IL21R: variants seen among roughly 807,000 people sequenced by gnomAD.
IL21R encodes interleukin-21 receptor.
Under a neutral mutation model 41.3 loss-of-function variants are expected in IL21R, and 14 were observed. The ratio of observed to expected loss-of-function variants is 0.34; its 90% confidence interval spans 0.22 to 0.53. The LOEUF (loss-of-function observed/expected upper bound fraction) is 0.53, where lower values mean the gene tolerates loss of function less well. Ranked by LOEUF, IL21R falls within the 20% of genes least tolerant of loss-of-function variation. The probability of loss-of-function intolerance (pLI) is 0.94; values close to 1 mark genes in which losing one functional copy is unlikely to be tolerated. For synonymous variants in IL21R, 286 were observed against 287.6 expected (o/e 0.99, Z 0.05); for missense variants, 588 against 681.6 (o/e 0.86, Z 1.53).
intron 1 of IL21R, among the ~76,000 whole-genome samples, chr16:27,419,791 G>C (rs940001625): frequency 5.3e-5 from 8 of 150,324 alleles, no homozygotes; most frequent in Non-Finnish European, 1.2e-4. Context: ...ATATAGTATA[G>C]TAAATACATA....
chr16:27,444,640 A>G lies in IL21R; in HGVS notation c.606A>G (p.Ala202=). ...CGAGCTATGAGCTGCAGGTGCGGGCAGGGCCCATGCCTGGCTCCTCCTACC... is the reference window on the plus strand; with the variant it reads ...CGAGCTATGAGCTGCAGGTGCGGGCGGGGCCCATGCCTGGCTCCTCCTACC... ...KDSSYELQVR[A]GPMPGSSYQG... Residue 202 remains alanine, a synonymous_variant, in exon 6 of 9, where the codon GCA becomes GCG. Coordinates refer to ENST00000337929, the MANE Select transcript of IL21R (RefSeq NM_181078.3). 6.3e-7 allele frequency: 1 copy of G among 1,589,302 alleles called. No individual in the cohort carries two copies. The highest frequency in any genetic ancestry group is 8.6e-7 in the Non-Finnish European group (1 of 1,167,866).
At chr16:27,408,648 C>G (rs1327687230) in intron 1 of IL21R, among the ~76,000 whole-genome samples, 1 of 152,192 alleles carries the variant, frequency 6.6e-6, no homozygotes, top group Non-Finnish European at 1.5e-5. Flanking sequence ...GGAAGTCCCT[C>G]CGCCTTAACA....
intron 1 of IL21R, among the ~76,000 whole-genome samples, chr16:27,427,019 G>A (rs934408700): frequency 3.9e-5 from 6 of 152,100 alleles, no homozygotes; most frequent in African/African-American, 9.7e-5. Context: ...TTTTCAAGGA[G>A]GCTGTCTCTA....
intron 2 of IL21R, among the ~76,000 whole-genome samples, chr16:27,431,024 G>T (rs2087162162): frequency 6.6e-6 from 1 of 152,140 alleles, no homozygotes; most frequent in Non-Finnish European, 1.5e-5. Context: ...AAAGGGCACT[G>T]CCTAGGACTA....
chr16:27,442,441 C>G (rs1228998066), intron 4 of IL21R, among the ~76,000 whole-genome samples: 4 of 152,076 alleles, frequency 2.6e-5, no homozygotes, highest in Non-Finnish European at 4.4e-5. Flanking sequence ...TTGGCTCACT[C>G]CAAGCTCTGC....
rs796105799 is a variant in IL21R at position 27,405,025 on chromosome 16, C to CT, written c.-17+2421dup. Among the ~76,000 whole-genome samples, 586 of 145,816 alleles carry CT rather than the reference C, an allele frequency of 4.0e-3. 3 individuals carry two copies. Among genetic ancestry groups the CT allele is most frequent in the African/African-American group, 0.013 (507 of 39,820 alleles). On this transcript the variant is annotated intron_variant, in intron 1 of 8. Transcript: ENST00000337929. ...GAGAAGTGCCCGCTATCATGTTTTA[C>CT]TTTTTTTTTTTTTTAATTTTTTTTT... is the stretch of plus-strand genomic sequence containing the variant.
intron 2 of IL21R, among the ~76,000 whole-genome samples, chr16:27,431,891 G>A (rs534021198): frequency 3.6e-4 from 55 of 152,196 alleles, no homozygotes; most frequent in African/African-American, 1.1e-3. Flanking sequence ...TGATCCACCC[G>A]CCTCGGCCTC....
Position 27,434,423 on chromosome 16 carries a change from C to T in IL21R, c.126C>T (p.Leu42=), listed in dbSNP as rs777897180. 2 of 1,613,590 alleles carry T rather than the reference C, an allele frequency of 1.2e-6. No homozygotes were observed. Among genetic ancestry groups the T allele is most frequent in the Non-Finnish European group, 1.7e-6 (2 of 1,179,556 alleles). Residue 42 remains leucine, a synonymous_variant, in exon 3 of 9, where the codon CTC becomes CTT. Transcript: ENST00000337929. ...TCTGCATCCTGGAAATGTGGAACCT[C>T]CACCCCAGCACGCTCACCCTTACCT... ...TVICILEMWN[L]HPSTLTLTWQ...
chr16:27,424,826 A>G (rs779610952), intron 1 of IL21R, among the ~76,000 whole-genome samples: 3 of 152,274 alleles, frequency 2.0e-5, no homozygotes, highest in Non-Finnish European at 4.4e-5. Flanking sequence ...TAATTGGCTC[A>G]TGGTTCTGCA....
chr16:27,409,043 CAGA>C lies in IL21R; in HGVS notation c.-17+6428_-17+6430del, dbSNP rs1201593403. Among the ~76,000 whole-genome samples the C allele has an allele frequency of 3.3e-5, 5 of 152,042 alleles. No individual in the cohort carries two copies. In the East Asian group the frequency reaches 7.8e-4, roughly 24 times the overall value. ...GTGGAAATGTTGAGTCTCTGCTCAGCAGAAGTTTTCCAAAGTGGTTGTGTCGAT... is the reference window on the plus strand; with the variant it reads ...GTGGAAATGTTGAGTCTCTGCTCAGCAGTTTTCCAAAGTGGTTGTGTCGAT... On this transcript the variant is annotated intron_variant, in intron 1 of 8. Coordinates refer to ENST00000337929, the MANE Select transcript of IL21R (RefSeq NM_181078.3).
intron 7 of IL21R, 56 bp downstream of exon 7, chr16:27,445,332 G>A (rs893038361): frequency 2.3e-5 from 25 of 1,086,640 alleles, no homozygotes; most frequent in Non-Finnish European, 3.5e-5. Context: ...CACTGCCCCT[G>A]TATGATACAT....
chr16:27,434,697 T>C lies in IL21R; in HGVS notation c.152+248T>C, dbSNP rs55859747. Among the ~76,000 whole-genome samples, 13 of 152,226 alleles carry C rather than the reference T, an allele frequency of 8.5e-5. No individual in the cohort carries two copies. The East Asian group carries it at 2.3e-3, about 27-fold the overall frequency. On this transcript the variant is annotated intron_variant, in intron 3 of 8. Coordinates refer to ENST00000337929, the MANE Select transcript of IL21R (RefSeq NM_181078.3). ...CCGGGATGGCTGGTTTCCCGCATGA[T>C]TTTTCAAGCACTTAGGTACCAGGCC...
rs52822694 is a variant in IL21R, at chr16:27,446,045, G to A, written c.824G>A (p.Arg275Gln). 9.7e-3 allele frequency: 15,723 copies of A among 1,613,584 alleles called. 106 individuals carry two copies. Among genetic ancestry groups the A allele is most frequent in the Non-Finnish European group, 0.012 (14,414 of 1,179,768 alleles). Residue 275 changes from arginine (R) to glutamine (Q), a missense_variant, in exon 8 of 9, where the codon CGG becomes CAG. Arg to Gln is a conservative substitution (Grantham distance 43). Transcript: ENST00000337929. ...ATATGGGCCGTCCCCAGCCCTGAGC[G>A]GTTCTTCATGCCCCTGTACAAGGGC... ...KKIWAVPSPERFFMPLYKGCS... is the reference protein window; with the variant it reads ...KKIWAVPSPEQFFMPLYKGCS...
intron 2 of IL21R, among the ~76,000 whole-genome samples, chr16:27,433,943 G>A (rs1197829851): frequency 6.6e-6 from 1 of 152,142 alleles, no homozygotes; most frequent in Non-Finnish European, 1.5e-5. Context: ...CCCTCTTGGG[G>A]TGTGTGCGTG....
chr16:27,446,080 G>C lies in IL21R; in HGVS notation c.859G>C (p.Asp287His). ...GCCCCTGTACAAGGGCTGCAGCGGA[G>C]ACTTCAAGGTGAGCTCCCGACCCTG... is the stretch of plus-strand genomic sequence containing the variant. ...FMPLYKGCSGDFKKWVGAPFT... is the reference protein window; with the variant it reads ...FMPLYKGCSGHFKKWVGAPFT... Residue 287 changes from aspartate (D) to histidine (H), a missense_variant, in exon 8 of 9, where the codon GAC becomes CAC. Asp to His is a moderately conservative substitution (Grantham distance 81). Coordinates refer to ENST00000337929, the MANE Select transcript of IL21R (RefSeq NM_181078.3). The C allele has an allele frequency of 6.2e-7, 1 of 1,613,468 alleles. No homozygotes were observed.
chr16:27,438,832 C>G (rs1486808379), intron 4 of IL21R, among the ~76,000 whole-genome samples: 1 of 152,142 alleles, frequency 6.6e-6, no homozygotes, highest in Non-Finnish European at 1.5e-5. Flanking sequence ...ATCATGCCAC[C>G]GCACTCCAGC....
intron 1 of IL21R, among the ~76,000 whole-genome samples, chr16:27,419,015 G>T (rs2086953852): frequency 6.6e-6 from 1 of 151,904 alleles, no homozygotes. Context: ...AGGAATTCGA[G>T]ACCAGCCTGG....
rs56297131 is a variant in IL21R at position 27,429,692 on chromosome 16, T to G, written c.-16-364T>G. Among the ~76,000 whole-genome samples the G allele has an allele frequency of 1.1e-3, 166 of 152,238 alleles. 1 individual carries two copies. The highest frequency in any genetic ancestry group is 6.8e-3 in the Middle Eastern group (2 of 294). ...GGGAGGCTGATGCAGGAGGATCGCT[T>G]GAGCCCAGGAGGTTGAGGCTGCAGT... On this transcript the variant is annotated intron_variant, in intron 1 of 8. Coordinates refer to ENST00000337929, the MANE Select transcript of IL21R (RefSeq NM_181078.3).
At chr16:27,410,240 G>A (rs975287383) in intron 1 of IL21R, among the ~76,000 whole-genome samples, 5 of 136,914 alleles carry the variant, frequency 3.7e-5, no homozygotes, top group African/African-American at 1.3e-4. Context: ...GGAGGCTGAG[G>A]CAGAATTGCT....
Sources: allele counts gnomAD v4.1 joint callset (sites outside exome capture counted in the v4.1 genomes callset), GRCh38; gene constraint gnomAD v4.1.1; transcripts MANE v1.5; gene names NCBI Gene and HGNC (gene_info 2026-07-23, HGNC 2026-07-21).